The following DNAJB14 variants were observed in gnomAD, a reference collection of about 807,000 sequenced individuals.
DNAJB14 encodes the protein dnaJ homolog subfamily B member 14.
Under a neutral mutation model 48.4 loss-of-function variants are expected in DNAJB14, and 22 were observed. The observed-to-expected ratio is 0.45, with a 90% CI of 0.32 to 0.65. The LOEUF is 0.65. Among genes scored for constraint, DNAJB14 ranks in the 30% least tolerant of loss-of-function variants. DNAJB14 has a pLI of 0.03. For synonymous variants in DNAJB14, 142 were observed against 158.7 expected (o/e 0.89, Z 0.79); for missense variants, 319 against 458.8 (o/e 0.70, Z 2.78).
At chr4:99,901,200 C>G (rs1289285795) in intron 7 of DNAJB14, 48 bp from the exon 8 acceptor site, 1 of 1,519,594 alleles carries the variant, frequency 6.6e-7, no homozygotes. Context: ...ATTTTTGTCA[C>G]CTAGTTGCTT....
chr4:99,910,257 T>G (rs778581583), intron 3 of DNAJB14: 1 of 152,042 alleles, frequency 6.6e-6, no homozygotes, highest in Non-Finnish European at 1.5e-5. Context: ...TTTCTTCAGA[T>G]TCTCAAAGAA....
At chr4:99,928,495 C>A in intron 2 of DNAJB14, 1 of 425,660 alleles carries the variant, frequency 2.3e-6, no homozygotes, top group Non-Finnish European at 4.8e-6. Context: ...CAACCACCCA[C>A]ATACACACAA....
At chr4:99,921,487 C>G (rs1194004127) in intron 3 of DNAJB14, among the ~76,000 whole-genome samples, 1 of 152,112 alleles carries the variant, frequency 6.6e-6, no homozygotes, top group African/African-American at 2.4e-5. Flanking sequence ...TTCAAAGATG[C>G]TAACATGACT....
intron 1 of DNAJB14, among the ~76,000 whole-genome samples, chr4:99,940,999 G>C (rs1018562988): frequency 6.0e-5 from 9 of 150,838 alleles, no homozygotes; most frequent in African/African-American, 2.2e-4. Context: ...CTTCATTTGT[G>C]AATATATTAA....
chr4:99,921,748 G>A (rs767114250), intron 3 of DNAJB14, among the ~76,000 whole-genome samples: 2 of 152,064 alleles, frequency 1.3e-5, no homozygotes, highest in African/African-American at 2.4e-5. Context: ...GTAACTCTGT[G>A]ACTGCATACA....
intron 2 of DNAJB14, chr4:99,924,738 G>GGGGC (rs1168623072): frequency 6.2e-7 from 1 of 1,610,644 alleles, no homozygotes; most frequent in African/African-American, 1.3e-5. Context: ...AAGGAAATGG[G>GGGGC]GGGCATTTAT....
intron 3 of DNAJB14, among the ~76,000 whole-genome samples, chr4:99,913,288 C>T (rs1227689416): frequency 6.6e-6 from 1 of 152,162 alleles, no homozygotes; most frequent in Non-Finnish European, 1.5e-5. Context: ...TTCAGTCTTT[C>T]ACCATTTAAT....
intron 7 of DNAJB14, among the ~76,000 whole-genome samples, chr4:99,901,563 T>G (rs1027931211): frequency 2.6e-5 from 4 of 152,056 alleles, no homozygotes; most frequent in African/African-American, 9.7e-5. Context: ...ACTTAAGTAT[T>G]TAATAAAAAA....
At chr4:99,927,225 T>G (rs1726289269) in intron 2 of DNAJB14, 1 of 152,172 alleles carries the variant, frequency 6.6e-6, no homozygotes, top group African/African-American at 2.4e-5. Flanking sequence ...GGTCCAGACT[T>G]TATATCTTCT....
chr4:99,906,150 A>AT (rs1412455563), intron 5 of DNAJB14: 2 of 1,320,702 alleles, frequency 1.5e-6, no homozygotes, highest in Admixed American at 4.5e-5. Context: ...ATGTAATTAA[A>AT]TTGCTATAGG....
chr4:99,899,103 G>A lies in DNAJB14; in HGVS notation c.*1925C>T, dbSNP rs1268566282. 1 of 151,834 alleles carries A rather than the reference G, an allele frequency of 6.6e-6. No homozygotes were observed. Among genetic ancestry groups the A allele is most frequent in the Non-Finnish European group, 1.5e-5 (1 of 67,760 alleles). The allele number at this position is 151,834 out of a possible 1,614,324, so 9.4% of individuals were successfully genotyped here. A position where few individuals can be genotyped will look rare whatever the true frequency, so the allele number is the denominator to read the frequency against. On this transcript the variant is annotated 3_prime_UTR_variant, in exon 8 of 8. Coordinates refer to ENST00000442697, the MANE Select transcript of DNAJB14 (RefSeq NM_001031723.4). ...ATGACTTTATAATATATACTTTATG[G>A]TATCACTTAACTTTGTACAATAACT...
Position 99,942,377 on chromosome 4 carries a change from A to G in DNAJB14, c.133+4062T>C, listed in dbSNP as rs1726918770. 2.6e-5 allele frequency: 4 copies of G among 152,176 alleles called. No homozygotes were observed. The South Asian group carries it at 8.3e-4, about 31-fold the overall frequency. 9.4% of individuals were successfully genotyped at this position (152,176 alleles called of 1,614,324 possible). ...ATTTCCCAATTATTATGAAATTGCAATGCAAAGCATTAAAACAGATTGTAC... is the reference window on the plus strand; with the variant it reads ...ATTTCCCAATTATTATGAAATTGCAGTGCAAAGCATTAAAACAGATTGTAC... On this transcript the variant is annotated intron_variant, in intron 1 of 7. Coordinates refer to ENST00000442697, the MANE Select transcript of DNAJB14 (RefSeq NM_001031723.4).
At chr4:99,940,531 C>T (rs1240992822) in intron 1 of DNAJB14, among the ~76,000 whole-genome samples, 1 of 152,118 alleles carries the variant, frequency 6.6e-6, no homozygotes, top group Non-Finnish European at 1.5e-5. Flanking sequence ...GCGGAGGTTG[C>T]GGTGAGCTGA....
chr4:99,907,026 T>C (rs1725491544), intron 4 of DNAJB14, among the ~76,000 whole-genome samples: 1 of 152,186 alleles, frequency 6.6e-6, no homozygotes, highest in Admixed American at 6.5e-5. Flanking sequence ...TTTTAAAAAA[T>C]AGCCCTATAA....
intron 1 of DNAJB14, among the ~76,000 whole-genome samples, chr4:99,932,102 T>A (rs11097682): frequency 0.28 from 41,986 of 151,906 alleles, 6,360 homozygotes; most frequent in African/African-American, 0.4. Flanking sequence ...ATCTTCATGA[T>A]GTTGATTTAG....
chr4:99,931,378 T>A (rs1443654201), intron 1 of DNAJB14, among the ~76,000 whole-genome samples: 1 of 152,070 alleles, frequency 6.6e-6, no homozygotes, highest in Non-Finnish European at 1.5e-5. Context: ...TATATACTCA[T>A]AATGGTTCAA....
At chr4:99,917,633 G>T (rs1725903035) in intron 3 of DNAJB14, among the ~76,000 whole-genome samples, 1 of 152,128 alleles carries the variant, frequency 6.6e-6, no homozygotes, top group South Asian at 2.1e-4. Flanking sequence ...TTTGTTTAAA[G>T]AACTTCCTTT....
chr4:99,905,766 A>G (rs1457189444), intron 5 of DNAJB14, 60 bp from the exon 6 acceptor site: 2 of 1,530,730 alleles, frequency 1.3e-6, no homozygotes, highest in East Asian at 4.6e-5. Context: ...TAATAATACA[A>G]CAGTTGTCAT....
chr4:99,906,280 T>C, intron 5 of DNAJB14: 1 of 1,092,470 alleles, frequency 9.2e-7, no homozygotes, highest in Non-Finnish European at 1.3e-6. Context: ...AGTGCAGGTG[T>C]ACCTTCATTA....
Sources: gnomAD v4.1 joint callset for allele counts (sites outside exome capture counted in the v4.1 genomes callset) on GRCh38, gnomAD v4.1.1 for gene constraint, MANE v1.5 for transcripts, NCBI Gene and HGNC (gene_info 2026-07-23, HGNC 2026-07-21) for gene names.